CACNB2: variants seen among roughly 807,000 people sequenced by gnomAD.
CACNB2 encodes the protein calcium voltage-gated channel auxiliary subunit beta 2.
A neutral mutation model predicts 73.3 loss-of-function variants in CACNB2; 42 were observed. The observed-to-expected ratio is 0.57, with a 90% confidence interval of 0.45 to 0.74. The LOEUF (loss-of-function observed/expected upper bound fraction) is 0.74, where lower values mean the gene tolerates loss of function less well. Ranked by LOEUF, CACNB2 falls within the 30% of genes least tolerant of loss-of-function variation. The pLI is 0.00. For synonymous variants in CACNB2, 348 were observed against 310.3 expected (o/e 1.12, Z -1.28); for missense variants, 940 against 853.0 (o/e 1.10, Z -1.27).
intron 3 of CACNB2, among the ~76,000 whole-genome samples, chr10:18,487,761 C>T (rs144272932): frequency 3.3e-5 from 5 of 150,760 alleles, no homozygotes; most frequent in African/African-American, 7.3e-5. Flanking sequence ...CTTGATCCTA[C>T]GAGGCAGAGG....
chr10:18,211,092 C>T (rs1298958229), intron 2 of CACNB2, among the ~76,000 whole-genome samples: 1 of 152,096 alleles, frequency 6.6e-6, no homozygotes, highest in Non-Finnish European at 1.5e-5. Context: ...TGACTATTAG[C>T]TATTATTTTT....
intron 11 of CACNB2, among the ~76,000 whole-genome samples, chr10:18,535,355 A>G (rs1564668181): frequency 6.6e-6 from 1 of 152,158 alleles, no homozygotes; most frequent in Non-Finnish European, 1.5e-5. Flanking sequence ...TTCTTCACGT[A>G]TTTCAACCAA....
At chr10:18,187,820 C>T (rs549089920) in intron 2 of CACNB2, among the ~76,000 whole-genome samples, 18 of 152,206 alleles carry the variant, frequency 1.2e-4, no homozygotes, top group African/African-American at 3.4e-4. Context: ...AAAGACCGAA[C>T]GATGCTCTTG....
At chr10:18,263,298 A>G (rs1239495670) in intron 2 of CACNB2, among the ~76,000 whole-genome samples, 1 of 152,232 alleles carries the variant, frequency 6.6e-6, no homozygotes, top group Admixed American at 6.5e-5. Flanking sequence ...AGATGAGTCT[A>G]GAGGCTGCTC....
At chr10:18,220,142 T>C (rs2035684134) in intron 2 of CACNB2, among the ~76,000 whole-genome samples, 1 of 38,828 alleles carries the variant, frequency 2.6e-5, no homozygotes, top group Non-Finnish European at 3.9e-5. Context: ...TATATATATA[T>C]ATATATATAT....
At chr10:18,243,699 A>C (rs895949288) in intron 2 of CACNB2, among the ~76,000 whole-genome samples, 3 of 151,990 alleles carry the variant, frequency 2.0e-5, no homozygotes, top group Admixed American at 1.3e-4. Flanking sequence ...TGGCTCCTCA[A>C]TTTCTCTCTC....
At chr10:18,303,617 T>A (rs1013243453) in intron 2 of CACNB2, among the ~76,000 whole-genome samples, 1 of 152,242 alleles carries the variant, frequency 6.6e-6, no homozygotes, top group Admixed American at 6.5e-5. Flanking sequence ...TCTTAGAAGC[T>A]GTGCAACCCG....
intron 2 of CACNB2, among the ~76,000 whole-genome samples, chr10:18,202,898 TATA>T (rs1370683513): frequency 1.3e-5 from 2 of 152,338 alleles, no homozygotes; most frequent in East Asian, 3.9e-4. Flanking sequence ...ACTGACACTG[TATA>T]ATTCAGTCAG....
chr10:18,497,217 A>T (rs2132999219), intron 3 of CACNB2, among the ~76,000 whole-genome samples: 1 of 151,540 alleles, frequency 6.6e-6, no homozygotes, highest in East Asian at 1.9e-4. Flanking sequence ...GTAAAAAAAA[A>T]AAAAAAAGAA....
intron 6 of CACNB2, among the ~76,000 whole-genome samples, chr10:18,508,866 G>A (rs898930596): frequency 7.2e-5 from 11 of 152,196 alleles, no homozygotes; most frequent in East Asian, 3.8e-4. Flanking sequence ...GTCAAGGACC[G>A]TCTGTATAGT....
At chr10:18,491,925 G>T (rs771435259) in intron 3 of CACNB2, among the ~76,000 whole-genome samples, 4 of 146,478 alleles carry the variant, frequency 2.7e-5, no homozygotes, top group Non-Finnish European at 6.0e-5. Context: ...TTGTTACACT[G>T]TTATAAAGAA....
chr10:18,421,589 C>T (rs376937151), intron 3 of CACNB2, among the ~76,000 whole-genome samples: 8 of 152,182 alleles, frequency 5.3e-5, no homozygotes, highest in African/African-American at 1.4e-4. Context: ...CCTGAGCCAC[C>T]GTGCCTGGCC....
At chr10:18,484,294 T>C (rs530941873) in intron 3 of CACNB2, among the ~76,000 whole-genome samples, 1 of 151,948 alleles carries the variant, frequency 6.6e-6, no homozygotes, top group Non-Finnish European at 1.5e-5. Flanking sequence ...CTTGGGAGGC[T>C]GAGGCAGGAG....
chr10:18,244,118 T>C (rs2036771114), intron 2 of CACNB2, among the ~76,000 whole-genome samples: 1 of 152,222 alleles, frequency 6.6e-6, no homozygotes, highest in African/African-American at 2.4e-5. Context: ...AATCAGGTGA[T>C]GCCAGGCCTG....
intron 3 of CACNB2, among the ~76,000 whole-genome samples, chr10:18,446,951 T>C (rs570243476): frequency 1.3e-5 from 2 of 151,824 alleles, no homozygotes; most frequent in South Asian, 2.1e-4. Context: ...CCTAGCTACT[T>C]GGGAAGCTGA....
intron 6 of CACNB2, among the ~76,000 whole-genome samples, chr10:18,508,277 A>G (rs769645253): frequency 2.6e-5 from 4 of 152,222 alleles, no homozygotes; most frequent in Non-Finnish European, 2.9e-5. Flanking sequence ...AAGATGCTCA[A>G]AATTAAGTAA....
intron 2 of CACNB2, among the ~76,000 whole-genome samples, chr10:18,215,596 G>T (rs114760940): frequency 6.6e-6 from 1 of 152,084 alleles, no homozygotes; most frequent in Non-Finnish European, 1.5e-5. Flanking sequence ...ATGAAAACTC[G>T]CCAAACTCTT....
At chr10:18,335,435 CAA>C (rs2040962408) in intron 2 of CACNB2, among the ~76,000 whole-genome samples, 1 of 152,084 alleles carries the variant, frequency 6.6e-6, no homozygotes, top group Admixed American at 6.5e-5. Flanking sequence ...ACAACAACAA[CAA>C]AAATAATTAG....
chr10:18,278,888 TG>T (rs1219170347), intron 2 of CACNB2, among the ~76,000 whole-genome samples: 6 of 152,120 alleles, frequency 3.9e-5, no homozygotes, highest in Non-Finnish European at 8.8e-5. Context: ...TGGTGGCATG[TG>T]CCTATAGTTC....
Sources: gnomAD v4.1 joint callset for allele counts (sites outside exome capture counted in the v4.1 genomes callset) on GRCh38, gnomAD v4.1.1 for gene constraint, MANE v1.5 for transcripts, NCBI Gene and HGNC (gene_info 2026-07-23, HGNC 2026-07-21) for gene names.